GPR161: variants seen among roughly 807,000 people sequenced by gnomAD.
The protein encoded by GPR161 is G protein-coupled receptor 161, also known as G-protein coupled receptor RE2.
A neutral mutation model predicts 39.2 loss-of-function variants in GPR161; 25 were observed. That is an observed-to-expected ratio of 0.64 (90% confidence interval 0.47 to 0.89). The LOEUF (loss-of-function observed/expected upper bound fraction) is 0.89. GPR161 is among the 40% of genes least tolerant of loss of function. The pLI, the probability that GPR161 is intolerant of heterozygous loss-of-function variation, is 0.00. For synonymous variants in GPR161, 286 were observed against 276.6 expected (o/e 1.03, Z -0.34); for missense variants, 547 against 677.8 (o/e 0.81, Z 2.14).
At chr1:168,093,494 T>C (rs1695252573) in intron 3 of GPR161, among the ~76,000 whole-genome samples, 1 of 152,244 alleles carries the variant, frequency 6.6e-6, no homozygotes. Flanking sequence ...TGCTTCTGCC[T>C]TTGCTCATAT....
At chr1:168,115,221 G>A (rs1228033188) in intron 1 of GPR161, among the ~76,000 whole-genome samples, 1 of 152,150 alleles carries the variant, frequency 6.6e-6, no homozygotes, top group Admixed American at 6.5e-5. Context: ...TCTTATTCTA[G>A]TTACATAAGA....
At chr1:168,110,132 T>C (rs977101932) in intron 1 of GPR161, among the ~76,000 whole-genome samples, 69 of 152,068 alleles carry the variant, frequency 4.5e-4, no homozygotes, top group African/African-American at 1.5e-3. Flanking sequence ...AGTGAGCACA[T>C]AGCATTCACC....
chr1:168,130,679 T>A (rs1698920717), intron 1 of GPR161, among the ~76,000 whole-genome samples: 1 of 152,186 alleles, frequency 6.6e-6, no homozygotes, highest in Non-Finnish European at 1.5e-5. Flanking sequence ...CACTGATGAC[T>A]CCAAAATCTC....
chr1:168,128,700 T>C (rs1388709457), intron 1 of GPR161, among the ~76,000 whole-genome samples: 3 of 152,262 alleles, frequency 2.0e-5, no homozygotes, highest in Non-Finnish European at 2.9e-5. Flanking sequence ...AATTAGTTTT[T>C]ACCCTTAATT....
In GPR161 at chr1:168,123,537, T is replaced by C. The variant is rs113237755; in HGVS notation, c.-45+13202A>G. Among the ~76,000 whole-genome samples the C allele has an allele frequency of 5.4e-3, 748 of 138,200 alleles. 2 individuals carry two copies. The highest frequency in any genetic ancestry group is 7.2e-3 in the Non-Finnish European group (454 of 63,198). 90.7% of individuals were successfully genotyped at this position (138,200 alleles called of 152,430 possible). A position where few individuals can be genotyped will look rare whatever the true frequency, so the allele number is the denominator to read the frequency against. On this transcript the variant is annotated intron_variant, in intron 1 of 5. Transcript: ENST00000682931. ...ATATAGATATAGATATGCACATACATACACACACACACACACACACACACA... is the reference window on the plus strand; with the variant it reads ...ATATAGATATAGATATGCACATACACACACACACACACACACACACACACA...
chr1:168,131,954 A>T (rs1699021101), intron 1 of GPR161, among the ~76,000 whole-genome samples: 1 of 152,224 alleles, frequency 6.6e-6, no homozygotes, highest in Non-Finnish European at 1.5e-5. Flanking sequence ...ACTTGGAAGA[A>T]TACATCAGCA....
Position 168,120,703 on chromosome 1 carries a change from C to T in GPR161, c.-44-15809G>A, listed in dbSNP as rs567338300. ...ATTGGATCATGGAGGCGATTTCCCT[C>T]ATGCTGTTCTCGTGATAGTGGGGGA... On this transcript the variant is annotated intron_variant, in intron 1 of 5. Coordinates refer to ENST00000682931, the MANE Select transcript of GPR161 (RefSeq NM_001375883.1). Among the ~76,000 whole-genome samples, 32 of 152,226 alleles carry T rather than the reference C, an allele frequency of 2.1e-4. No homozygotes were observed. In the Middle Eastern group the frequency reaches 0.017, roughly 81 times the overall value.
rs756364031 is a variant in GPR161 at position 168,104,644 on chromosome 1, C to G, written c.207G>C (p.Leu69=). ...CGGACAGCAGGAAGTTGGACAGAGT[C>G]AGGCTGAAGACGAACTTGTTGCTGA... The part of the protein sequence containing the change: ...LTLSNKFVFS[L]TLSNFLLSVL... The change falls in exon 2 of 6, where the codon CTG becomes CTC. Residue 69 remains leucine (L), a synonymous_variant. Transcript: ENST00000682931. 1 of 1,614,108 alleles carries G rather than the reference C, an allele frequency of 6.2e-7. No homozygotes were observed. Among genetic ancestry groups the G allele is most frequent in the Non-Finnish European group, 8.5e-7 (1 of 1,179,982 alleles).
rs528609467 is a variant in GPR161 at position 168,085,624 on chromosome 1, G to A, written c.1497C>T (p.Phe499=). 2.3e-5 allele frequency: 37 copies of A among 1,614,070 alleles called. No individual in the cohort carries two copies. Among genetic ancestry groups the A allele is most frequent in the African/African-American group, 5.3e-5 (4 of 75,066 alleles). ...GAGTTCTGCTGCCTCGGCGGCCCCC[G>A]AAGCCGCCCCCCGGGACAGTCCGTG... ...VTARTVPGGG[F]GGRRGSRTLV... Residue 499 remains phenylalanine, a synonymous_variant, in exon 6 of 6, where the codon TTC becomes TTT. Coordinates refer to ENST00000682931, the MANE Select transcript of GPR161 (RefSeq NM_001375883.1).
intron 1 of GPR161, among the ~76,000 whole-genome samples, chr1:168,108,874 C>A (rs1419953869): frequency 6.6e-6 from 1 of 152,088 alleles, no homozygotes; most frequent in African/African-American, 2.4e-5. Flanking sequence ...GACTGTAGGG[C>A]AATTGTGTAT....
chr1:168,135,085 T>C (rs2102275943), intron 1 of GPR161: 1 of 1,460,034 alleles, frequency 6.8e-7, no homozygotes, highest in East Asian at 2.5e-5. Flanking sequence ...CTTGGATTAG[T>C]TCCAAAATGT....
chr1:168,106,268 C>T (rs186503182), intron 1 of GPR161, among the ~76,000 whole-genome samples: 1 of 152,306 alleles, frequency 6.6e-6, no homozygotes, highest in African/African-American at 2.4e-5. Context: ...GAATAATCCC[C>T]TTCTACTATT....
At chr1:168,106,485 C>A (rs895782164) in intron 1 of GPR161, among the ~76,000 whole-genome samples, 1 of 152,140 alleles carries the variant, frequency 6.6e-6, no homozygotes, top group East Asian at 1.9e-4. Context: ...AGCTACTTAG[C>A]GGGCTGAGGT....
intron 1 of GPR161, among the ~76,000 whole-genome samples, chr1:168,113,204 C>T (rs1261864840): frequency 2.0e-5 from 3 of 152,226 alleles, no homozygotes; most frequent in African/African-American, 7.2e-5. Context: ...CTCTCTGGGG[C>T]TGTTCTGCTG....
At chr1:168,087,913 A>G (rs1275923528) in intron 4 of GPR161, 1 of 489,622 alleles carries the variant, frequency 2.0e-6, no homozygotes, top group African/African-American at 2.0e-5. Flanking sequence ...GGGCTGCGTC[A>G]GCCACACAAA....
At chr1:168,101,890 C>G (rs917923948) in intron 2 of GPR161, among the ~76,000 whole-genome samples, 1 of 147,630 alleles carries the variant, frequency 6.8e-6, no homozygotes, top group Non-Finnish European at 1.5e-5. Flanking sequence ...CACTGCAACC[C>G]CTGCCTACCG....
chr1:168,119,259 T>TATATATATACATATATATAC (rs1697944118), intron 1 of GPR161, among the ~76,000 whole-genome samples: 39 of 99,580 alleles, frequency 3.9e-4, no homozygotes, highest in Non-Finnish European at 4.4e-4. Context: ...TATATATACG[T>TATATATATACATATATATAC]ATATATATGT....
At chr1:168,086,260 CAG>C (rs1694482073) in intron 5 of GPR161, among the ~76,000 whole-genome samples, 1 of 152,202 alleles carries the variant, frequency 6.6e-6, no homozygotes, top group African/African-American at 2.4e-5. Context: ...CATATTTGCT[CAG>C]AGATTCCCCA....
chr1:168,110,434 G>A (rs1697017060), intron 1 of GPR161, among the ~76,000 whole-genome samples: 1 of 150,194 alleles, frequency 6.7e-6, no homozygotes, highest in Non-Finnish European at 1.5e-5. Context: ...AGGAGGTTGA[G>A]GCTGCAGTGA....
Sources: allele counts gnomAD v4.1 joint callset (sites outside exome capture counted in the v4.1 genomes callset), GRCh38; gene constraint gnomAD v4.1.1; transcripts MANE v1.5; gene names NCBI Gene and HGNC (gene_info 2026-07-23, HGNC 2026-07-21).